Variants in ULK4 observed in about 807,000 individuals in gnomAD.
ULK4 encodes inactive serine/threonine-protein kinase ULK4.
Under a neutral mutation model 160.6 loss-of-function variants are expected in ULK4, and 133 were observed. That is an observed-to-expected ratio of 0.83 (90% CI 0.72 to 0.96). The LOEUF (loss-of-function observed/expected upper bound fraction) is 0.96, where lower values mean the gene tolerates loss of function less well. Among genes scored for constraint, ULK4 ranks in the 40% least tolerant of loss-of-function variants. The pLI is 0.00. For missense variants in ULK4, 1,580 were observed against 1,499.5 expected (o/e 1.05, Z -0.89); for synonymous variants, 534 against 539.8 (o/e 0.99, Z 0.15).
At chr3:41,472,950 A>G (rs1209597028) in intron 32 of ULK4, among the ~76,000 whole-genome samples, 1 of 152,214 alleles carries the variant, frequency 6.6e-6, no homozygotes, top group Non-Finnish European at 1.5e-5. Flanking sequence ...TATCTCTGGC[A>G]TGCAAGGATG....
intron 35 of ULK4, among the ~76,000 whole-genome samples, chr3:41,311,478 T>G (rs1010351171): frequency 1.3e-5 from 2 of 152,204 alleles, no homozygotes; most frequent in African/African-American, 4.8e-5. Context: ...TCTTCAGTTT[T>G]GGGACTCAGA....
chr3:41,430,644 T>C (rs774009130), intron 34 of ULK4, among the ~76,000 whole-genome samples: 3 of 152,194 alleles, frequency 2.0e-5, no homozygotes, highest in Non-Finnish European at 2.9e-5. Context: ...CAATAAGAGA[T>C]AGATGTTTAT....
At chr3:41,373,178 A>C (rs1228182614) in intron 35 of ULK4, among the ~76,000 whole-genome samples, 3 of 152,222 alleles carry the variant, frequency 2.0e-5, no homozygotes, top group Non-Finnish European at 4.4e-5. Context: ...AGACTGCCAC[A>C]CAATAATAGT....
chr3:41,639,365 C>T (rs186185868), intron 30 of ULK4, among the ~76,000 whole-genome samples: 33 of 152,230 alleles, frequency 2.2e-4, no homozygotes, highest in Non-Finnish European at 2.9e-4. Flanking sequence ...ACCTGAAAGA[C>T]ATTAACTGAT....
intron 35 of ULK4, among the ~76,000 whole-genome samples, chr3:41,309,932 T>C (rs1235955957): frequency 3.3e-5 from 5 of 151,992 alleles, no homozygotes; most frequent in African/African-American, 1.2e-4. Context: ...TAGAGGTATA[T>C]TTACAAATGG....
chr3:41,929,515 T>C (rs1193440149), intron 5 of ULK4, among the ~76,000 whole-genome samples: 2 of 152,080 alleles, frequency 1.3e-5, no homozygotes, highest in Non-Finnish European at 2.9e-5. Context: ...GAGAAAGAAA[T>C]AAAGGGTATT....
intron 34 of ULK4, among the ~76,000 whole-genome samples, chr3:41,454,722 T>C (rs2083502964): frequency 6.6e-6 from 1 of 152,104 alleles, no homozygotes; most frequent in Non-Finnish European, 1.5e-5. Flanking sequence ...AGATGGAGTC[T>C]CGCTTTTTCA....
chr3:41,809,490 A>G (rs1367150056), intron 19 of ULK4, among the ~76,000 whole-genome samples: 1 of 152,236 alleles, frequency 6.6e-6, no homozygotes, highest in East Asian at 1.9e-4. Context: ...TTGAAAAAGT[A>G]GGCGTGTAGA....
chr3:41,592,380 G>A (rs953005354), intron 31 of ULK4, among the ~76,000 whole-genome samples: 1 of 152,142 alleles, frequency 6.6e-6, no homozygotes, highest in African/African-American at 2.4e-5. Flanking sequence ...TCCTCGGGCG[G>A]GCTGCCTAAG....
intron 31 of ULK4, among the ~76,000 whole-genome samples, chr3:41,570,724 G>A (rs2087943641): frequency 6.6e-6 from 1 of 152,110 alleles, no homozygotes; most frequent in Non-Finnish European, 1.5e-5. Context: ...GTACTCATGA[G>A]TGAGTGCCAC....
intron 34 of ULK4, among the ~76,000 whole-genome samples, chr3:41,426,432 T>G (rs2082777270): frequency 6.6e-6 from 1 of 152,188 alleles, no homozygotes; most frequent in African/African-American, 2.4e-5. Flanking sequence ...TTGACAGATA[T>G]CTACAGAACT....
chr3:41,312,107 G>A (rs2080062664), intron 35 of ULK4, among the ~76,000 whole-genome samples: 1 of 151,952 alleles, frequency 6.6e-6, no homozygotes, highest in African/African-American at 2.4e-5. Flanking sequence ...CTGATTAGCT[G>A]GGGCTTACAG....
chr3:41,399,954 A>G (rs1195256456), intron 34 of ULK4, among the ~76,000 whole-genome samples: 2 of 152,148 alleles, frequency 1.3e-5, no homozygotes, highest in Non-Finnish European at 2.9e-5. Flanking sequence ...TTTTACTTTG[A>G]GGTCTTCGAT....
intron 35 of ULK4, among the ~76,000 whole-genome samples, chr3:41,360,777 C>T (rs778431480): frequency 3.9e-5 from 6 of 151,992 alleles, no homozygotes; most frequent in Non-Finnish European, 8.8e-5. Context: ...AGGGTGAAGG[C>T]TGGAAGGAGG....
At chr3:41,541,416 T>C (rs1054641649) in intron 32 of ULK4, among the ~76,000 whole-genome samples, 3 of 152,192 alleles carry the variant, frequency 2.0e-5, no homozygotes, top group Admixed American at 6.5e-5. Context: ...TACCATGCTG[T>C]TTTTGTTACT....
Position 41,938,174 on chromosome 3 carries a change from T to C in ULK4, c.162A>G (p.Lys54=). Residue 54 remains lysine, a synonymous_variant, in exon 3 of 37, where the codon AAA becomes AAG. Transcript: ENST00000301831. ...TNWVRLTREI[K]HKNIVTFHEW... The stretch of plus-strand genomic sequence containing the variant: ...CATGAAAAGTTACAATATTCTTGTG[T>C]TTTATTTCACGGGTGAGACGGACCT... The C allele has an allele frequency of 6.2e-7, 1 of 1,613,270 alleles. No individual in the cohort carries two copies. The highest frequency in any genetic ancestry group is 1.7e-4 in the Middle Eastern group (1 of 6,058).
intron 12 of ULK4, among the ~76,000 whole-genome samples, chr3:41,905,746 G>A (rs1166111154): frequency 6.6e-6 from 1 of 152,150 alleles, no homozygotes; most frequent in Non-Finnish European, 1.5e-5. Context: ...TTAGCCATCA[G>A]GTAAATGCAA....
chr3:41,500,893 CTTTGTT>C (rs2085180064), intron 32 of ULK4, among the ~76,000 whole-genome samples: 1 of 152,038 alleles, frequency 6.6e-6, no homozygotes, highest in African/African-American at 2.4e-5. Flanking sequence ...TTTTACATGT[CTTTGTT>C]TTTGTTTCTC....
intron 21 of ULK4, 74 bp from the exon 22 acceptor site, chr3:41,754,562 G>T: frequency 7.0e-7 from 1 of 1,419,872 alleles, no homozygotes; most frequent in South Asian, 1.5e-5. Flanking sequence ...AGAGTGAACA[G>T]ACTATAATAA....
Sources: gnomAD v4.1 joint callset for allele counts (sites outside exome capture counted in the v4.1 genomes callset) on GRCh38, gnomAD v4.1.1 for gene constraint, MANE v1.5 for transcripts, NCBI Gene and HGNC (gene_info 2026-07-23, HGNC 2026-07-21) for gene names.